The following RNF182 variants were observed in gnomAD, a reference collection of about 807,000 sequenced individuals.
RNF182 encodes E3 ubiquitin-protein ligase RNF182.
In RNF182, 15 loss-of-function variants were observed where a neutral mutation model predicts 14.4. The observed-to-expected ratio is 1.04, with a 90% CI of 0.70 to 1.60. The LOEUF is 1.60. Ranked by LOEUF, RNF182 falls within the 40% of genes most tolerant of loss-of-function variation. The pLI, the probability that RNF182 is intolerant of heterozygous loss-of-function variation, is 0.00. For synonymous variants in RNF182, 128 were observed against 122.9 expected, an observed-to-expected ratio of 1.04 and a Z score of -0.27; for missense variants, 268 against 294.8, an observed-to-expected ratio of 0.91 and a Z score of 0.67.
At chr6:13,972,304 CAAA>C (rs1162936847) in intron 1 of RNF182, among the ~76,000 whole-genome samples, 7 of 61,086 alleles carry the variant, frequency 1.1e-4, no homozygotes, top group Admixed American at 1.7e-4. Flanking sequence ...GACTCTGTCT[CAAA>C]AAAAAAAAAA....
At chr6:13,945,769 C>T (rs1400551219) in intron 1 of RNF182, among the ~76,000 whole-genome samples, 1 of 152,196 alleles carries the variant, frequency 6.6e-6, no homozygotes, top group African/African-American at 2.4e-5. Flanking sequence ...CAGTTTTCCT[C>T]TGCCTTTTTG....
chr6:13,964,066 C>T (rs1285668761), intron 1 of RNF182, among the ~76,000 whole-genome samples: 1 of 150,080 alleles, frequency 6.7e-6, no homozygotes, highest in Non-Finnish European at 1.5e-5. Flanking sequence ...TTAAGAAAAA[C>T]ACGAATTTTT....
intron 1 of RNF182, among the ~76,000 whole-genome samples, chr6:13,935,899 G>A (rs1759097600): frequency 6.6e-6 from 1 of 152,214 alleles, no homozygotes; most frequent in African/African-American, 2.4e-5. Context: ...CTACTTGAGA[G>A]TGGGTAATTT....
chr6:13,977,524 G>T lies in RNF182; in HGVS notation c.405G>T (p.Glu135Asp). 2 of 1,614,176 alleles carry T rather than the reference G, an allele frequency of 1.2e-6. No homozygotes were observed. The highest frequency in any genetic ancestry group is 1.7e-6 in the Non-Finnish European group (2 of 1,180,024). Residue 135 changes from glutamate (E) to aspartate (D), a missense_variant, in exon 3 of 3, where the codon GAG becomes GAT. By Grantham distance (45) the Glu-to-Asp change is conservative. Coordinates refer to ENST00000488300, the MANE Select transcript of RNF182 (RefSeq NM_152737.4). ...SSNCLVITIM[E>D]VQRESSPSLS... ...ACTGCCTGGTCATAACCATCATGGA[G>T]GTGCAGAGAGAGAGCTCCCCGTCCC...
At chr6:13,939,541 AT>A (rs1177471087) in intron 1 of RNF182, among the ~76,000 whole-genome samples, 2 of 150,756 alleles carry the variant, frequency 1.3e-5, no homozygotes, top group African/African-American at 4.9e-5. Context: ...ATTTATTTTT[AT>A]TTTTTTATTT....
chr6:13,948,938 A>G (rs1759511605), intron 1 of RNF182, among the ~76,000 whole-genome samples: 1 of 152,216 alleles, frequency 6.6e-6, no homozygotes, highest in African/African-American at 2.4e-5. Context: ...CAAAAGAGAA[A>G]GCCAAATTTC....
intron 1 of RNF182, among the ~76,000 whole-genome samples, chr6:13,937,257 C>T (rs1228392335): frequency 6.6e-6 from 1 of 152,202 alleles, no homozygotes; most frequent in Non-Finnish European, 1.5e-5. Flanking sequence ...TCCTGTGTAA[C>T]TACTACTCAC....
At chr6:13,946,161 T>TATTATTATTATC (rs1489181372) in intron 1 of RNF182, among the ~76,000 whole-genome samples, 2 of 147,154 alleles carry the variant, frequency 1.4e-5, no homozygotes, top group African/African-American at 4.9e-5. Context: ...TTATTATTAT[T>TATTATTATTATC]ATTATTATTA....
At chr6:13,954,517 A>G (rs374498394) in intron 1 of RNF182, among the ~76,000 whole-genome samples, 9 of 152,330 alleles carry the variant, frequency 5.9e-5, no homozygotes, top group East Asian at 5.8e-4. Flanking sequence ...AAATTCATAA[A>G]CTTTCTGAGA....
At chr6:13,931,952 C>A (rs1758982993) in intron 1 of RNF182, among the ~76,000 whole-genome samples, 2 of 152,130 alleles carry the variant, frequency 1.3e-5, no homozygotes, top group Admixed American at 6.5e-5. Flanking sequence ...GTCATTGGCC[C>A]CTTCTGCCAT....
chr6:13,962,247 T>A (rs1759901753), intron 1 of RNF182, among the ~76,000 whole-genome samples: 1 of 152,164 alleles, frequency 6.6e-6, no homozygotes, highest in Non-Finnish European at 1.5e-5. Flanking sequence ...ACATGTGTGG[T>A]TTAAGCTTAA....
chr6:13,932,603 T>C (rs933304204), intron 1 of RNF182, among the ~76,000 whole-genome samples: 1 of 152,230 alleles, frequency 6.6e-6, no homozygotes, highest in African/African-American at 2.4e-5. Context: ...TAAGTTCCTT[T>C]GAATATTTTG....
chr6:13,930,123 T>A (rs374744684), intron 1 of RNF182, among the ~76,000 whole-genome samples: 4 of 72,484 alleles, frequency 5.5e-5, no homozygotes, highest in Non-Finnish European at 3.3e-5. Context: ...GGAAAAATAT[T>A]TGGAAAATAT....
chr6:13,955,893 C>T (rs1759716785), intron 1 of RNF182, among the ~76,000 whole-genome samples: 1 of 152,098 alleles, frequency 6.6e-6, no homozygotes, highest in Admixed American at 6.5e-5. Flanking sequence ...TCTCTATGCC[C>T]TCCCCATTTT....
At chr6:13,940,508 T>C (rs1277187111) in intron 1 of RNF182, among the ~76,000 whole-genome samples, 1 of 152,164 alleles carries the variant, frequency 6.6e-6, no homozygotes, top group Admixed American at 6.5e-5. Flanking sequence ...TTTCCCCCCT[T>C]GATCAGTCTT....
At chr6:13,966,699 G>C (rs1026749306) in intron 1 of RNF182, among the ~76,000 whole-genome samples, 1 of 152,014 alleles carries the variant, frequency 6.6e-6, no homozygotes, top group African/African-American at 2.4e-5. Context: ...CGGGGTGGAG[G>C]TTACAGTGAG....
chr6:13,925,242 G>T (rs1758793944), intron 1 of RNF182: 1 of 151,896 alleles, frequency 6.6e-6, no homozygotes, highest in African/African-American at 2.4e-5. Context: ...CAACTTGAGG[G>T]GCTGTGCGGC....
chr6:13,930,796 T>C (rs773499536), intron 1 of RNF182, among the ~76,000 whole-genome samples: 4 of 152,232 alleles, frequency 2.6e-5, no homozygotes. Flanking sequence ...GCTGTCTCTT[T>C]TGATTGTCAC....
At chr6:13,957,528 C>T (rs1034916848) in intron 1 of RNF182, among the ~76,000 whole-genome samples, 6 of 152,064 alleles carry the variant, frequency 3.9e-5, no homozygotes, top group Admixed American at 1.3e-4. Flanking sequence ...TTGCTGAGTC[C>T]GAGTACGGTT....
Sources: allele counts gnomAD v4.1 joint callset (sites outside exome capture counted in the v4.1 genomes callset), GRCh38; gene constraint gnomAD v4.1.1; transcripts MANE v1.5; gene names NCBI Gene and HGNC (gene_info 2026-07-23, HGNC 2026-07-21).